TMEM91: variants seen among roughly 807,000 people sequenced by gnomAD.
TMEM91 encodes transmembrane protein 91.
Under a neutral mutation model 13.3 loss-of-function variants are expected in TMEM91, and 6 were observed. The ratio of observed to expected loss-of-function variants is 0.45; its 90% CI spans 0.25 to 0.89. The LOEUF (loss-of-function observed/expected upper bound fraction) is 0.89, where lower values mean the gene tolerates loss of function less well. Among genes scored for constraint, TMEM91 ranks in the 40% least tolerant of loss-of-function variants. TMEM91 has a pLI of 0.19. For synonymous variants in TMEM91, 87 were observed against 101.7 expected (o/e 0.86, Z 0.87); for missense variants, 193 against 228.7 (o/e 0.84, Z 1.01).
intron 2 of TMEM91, 21 bp from the exon 3 acceptor site, chr19:41,382,751 T>C (rs755646062): frequency 1.2e-6 from 2 of 1,609,244 alleles, no homozygotes; most frequent in East Asian, 2.2e-5. Flanking sequence ...GATGCCCACC[T>C]GGGCACTTTC....
intron 1 of TMEM91, among the ~76,000 whole-genome samples, chr19:41,371,080 C>T (rs1437506901): frequency 6.6e-6 from 1 of 151,734 alleles, no homozygotes; most frequent in Admixed American, 6.6e-5. Context: ...CAGCTCACCA[C>T]AACCTCTGCC....
intron 1 of TMEM91, among the ~76,000 whole-genome samples, chr19:41,370,047 A>G (rs1277369599): frequency 1.3e-5 from 2 of 151,138 alleles, no homozygotes; most frequent in African/African-American, 2.4e-5. Context: ...TCACCATCCT[A>G]TTTTCTTTCA....
intron 2 of TMEM91, among the ~76,000 whole-genome samples, chr19:41,381,671 A>G (rs1234542764): frequency 6.6e-6 from 1 of 151,768 alleles, no homozygotes; most frequent in Non-Finnish European, 1.5e-5. Context: ...GCCCATGCCT[A>G]GCTAATTTTA....
chr19:41,382,724 C>T, intron 2 of TMEM91, 48 bp from the exon 3 acceptor site: 1 of 1,590,580 alleles, frequency 6.3e-7, no homozygotes, highest in South Asian at 1.2e-5. Flanking sequence ...AGCAATGGGG[C>T]AGGAAAGGTG....
At chr19:41,370,993 G>A (rs142011185) in intron 1 of TMEM91, among the ~76,000 whole-genome samples, 25 of 147,140 alleles carry the variant, frequency 1.7e-4, no homozygotes, top group African/African-American at 6.1e-4. Flanking sequence ...GTGAGCTACC[G>A]TGTCTGGCCT....
chr19:41,365,109 C>T (rs1333175711), intron 1 of TMEM91, among the ~76,000 whole-genome samples: 2 of 151,634 alleles, frequency 1.3e-5, no homozygotes, highest in Non-Finnish European at 2.9e-5. Flanking sequence ...TTGTCTTGAC[C>T]TCCTGGGCTC....
In TMEM91 at chr19:41,378,418, G is replaced by C. The variant is rs1367115878; in HGVS notation, c.109G>C (p.Glu37Gln). ...GCATGAGCTGGGGTCCCCCTTAAGA[G>C]AGATAGCCTTTGCCGAGTCCCTGAG... ...GRHELGSPLREIAFAESLRGL... is the reference protein window; with the variant it reads ...GRHELGSPLRQIAFAESLRGL... Residue 37 changes from glutamate (E) to glutamine (Q), a missense_variant, in exon 2 of 4, where the codon GAG (glutamate) becomes CAG (glutamine). By Grantham distance (29) the Glu-to-Gln change is conservative. Coordinates refer to ENST00000392002, the MANE Select transcript of TMEM91 (RefSeq NM_001098821.2). The C allele has an allele frequency of 1.9e-6, 3 of 1,614,098 alleles. No individual in the cohort carries two copies. Among genetic ancestry groups the C allele is most frequent in the Non-Finnish European group, 2.5e-6 (3 of 1,180,054 alleles).
intron 3 of TMEM91, 137 bp from the exon 4 acceptor site, chr19:41,383,578 C>CTAT (rs1261766308): frequency 6.2e-7 from 1 of 1,613,682 alleles, no homozygotes; most frequent in Non-Finnish European, 8.5e-7. Flanking sequence ...AGTGCCTGAC[C>CTAT]TATAGTAGGT....
chr19:41,379,449 G>A lies in TMEM91; in HGVS notation c.210+930G>A, dbSNP rs542381117. 1.9e-4 allele frequency among the ~76,000 whole-genome samples: 29 copies of A among 150,428 alleles called. No homozygotes were observed. In the South Asian group the frequency reaches 3.6e-3, roughly 19 times the overall value. ...CTTGGGAGGCTGAGGTGGGAGGATCGCTTGAGCCCAGGCTGCAATGAGCTG... is the reference window on the plus strand; with the variant it reads ...CTTGGGAGGCTGAGGTGGGAGGATCACTTGAGCCCAGGCTGCAATGAGCTG... On this transcript the variant is annotated intron_variant, in intron 2 of 3. Transcript: ENST00000392002.
chr19:41,379,824 G>A (rs1299717614), intron 2 of TMEM91, among the ~76,000 whole-genome samples: 1 of 151,376 alleles, frequency 6.6e-6, no homozygotes, highest in African/African-American at 2.4e-5. Context: ...GCTGGTGGGT[G>A]GAACTAGAAC....
At chr19:41,378,609 C>T in intron 2 of TMEM91, 90 bp downstream of exon 2, 5 of 1,372,676 alleles carry the variant, frequency 3.6e-6, no homozygotes, top group Admixed American at 2.0e-5. Context: ...ACAGCTGTGC[C>T]GATCTGCCTT....
chr19:41,368,883 G>A (rs527959175), intron 1 of TMEM91, among the ~76,000 whole-genome samples: 1 of 152,136 alleles, frequency 6.6e-6, no homozygotes, highest in Admixed American at 6.5e-5. Flanking sequence ...GTGAGGCCAA[G>A]GCGGGCAGAT....
At chr19:41,365,707 G>T (rs938764378) in intron 1 of TMEM91, among the ~76,000 whole-genome samples, 1 of 69,668 alleles carries the variant, frequency 1.4e-5, no homozygotes, top group African/African-American at 6.7e-5. Context: ...GACCGGCCGG[G>T]TTTTTTTTTT....
In TMEM91 at chr19:41,382,850, G is replaced by A. The variant is rs375837735; in HGVS notation, c.289G>A (p.Gly97Ser). 47 of 1,614,076 alleles carry A rather than the reference G, an allele frequency of 2.9e-5. No homozygotes were observed. The highest frequency in any genetic ancestry group is 1.6e-4 in the East Asian group (7 of 44,892). ...ACCATTTCTACCCCACGACCACCTC[G>A]GCTTGGCTGTCTTCTCCATGCTGTG... is the stretch of plus-strand genomic sequence containing the variant. ...LSPFLPHDHL[G>S]LAVFSMLCCF... Residue 97 changes from glycine (G) to serine (S), a missense_variant, in exon 3 of 4, where the codon GGC becomes AGC. Coordinates refer to ENST00000392002, the MANE Select transcript of TMEM91 (RefSeq NM_001098821.2).
chr19:41,382,612 TCAAA>T (rs1284023091), intron 2 of TMEM91, among the ~76,000 whole-genome samples, 156 bp from the exon 3 acceptor site: 4 of 152,148 alleles, frequency 2.6e-5, no homozygotes, highest in African/African-American at 4.8e-5. Context: ...AAACTCCGTC[TCAAA>T]CAAACACCGA....
At chr19:41,370,978 C>T (rs543741303) in intron 1 of TMEM91, among the ~76,000 whole-genome samples, 2 of 151,894 alleles carry the variant, frequency 1.3e-5, no homozygotes, top group East Asian at 3.9e-4. Context: ...GCTGGGATTA[C>T]AGGCGTGAGC....
chr19:41,382,856 G>T lies in TMEM91; in HGVS notation c.295G>T (p.Ala99Ser), dbSNP rs1171905311. ...PFLPHDHLGLAVFSMLCCFWP... is the reference protein window; with the variant it reads ...PFLPHDHLGLSVFSMLCCFWP... The stretch of plus-strand genomic sequence containing the variant: ...TCTACCCCACGACCACCTCGGCTTG[G>T]CTGTCTTCTCCATGCTGTGTTGTTT... Residue 99 changes from alanine to serine, a missense_variant, in exon 3 of 4, where the codon GCT becomes TCT. Ala to Ser is a moderately conservative substitution (Grantham distance 99). Coordinates refer to ENST00000392002, the MANE Select transcript of TMEM91 (RefSeq NM_001098821.2). The T allele has an allele frequency of 1.2e-6, 2 of 1,614,114 alleles. No individual in the cohort carries two copies. The highest frequency in any genetic ancestry group is 1.7e-6 in the Non-Finnish European group (2 of 1,180,056).
upstream of TMEM91, among the ~76,000 whole-genome samples, chr19:41,375,521 G>T (rs1599925758): frequency 6.6e-6 from 1 of 150,462 alleles, no homozygotes; most frequent in African/African-American, 2.4e-5. Context: ...CTCGTGATCC[G>T]CCCGCCTCGG....
Position 41,382,782 on chromosome 19 carries a change from C to T in TMEM91, c.221C>T (p.Ser74Phe), listed in dbSNP as rs771776715. Residue 74 changes from serine to phenylalanine, a missense_variant, in exon 3 of 4, where the codon TCC becomes TTC. Coordinates refer to ENST00000392002, the MANE Select transcript of TMEM91 (RefSeq NM_001098821.2). The part of the protein sequence containing the change: ...PRPPDVEDMS[S>F]SDSDSDWDGG... ...CTTTCCTGTCCGTAGGACATGTCAT[C>T]CAGTGACAGTGACTCGGACTGGGAT... is the stretch of plus-strand genomic sequence containing the variant. 6.2e-7 allele frequency: 1 copy of T among 1,613,884 alleles called. No individual in the cohort carries two copies.
Sources: allele counts gnomAD v4.1 joint callset (sites outside exome capture counted in the v4.1 genomes callset), GRCh38; gene constraint gnomAD v4.1.1; transcripts MANE v1.5; gene names NCBI Gene and HGNC (gene_info 2026-07-23, HGNC 2026-07-21).